The following RNF217 variants were observed in gnomAD, a reference collection of about 807,000 sequenced individuals.
RNF217 encodes the protein ring finger protein 217, also known as E3 ubiquitin-protein ligase RNF217.
A neutral mutation model predicts 57.8 loss-of-function variants in RNF217; 31 were observed. The observed-to-expected ratio is 0.54, with a 90% confidence interval of 0.40 to 0.72. RNF217 has a LOEUF of 0.72. Among genes scored for constraint, RNF217 ranks in the 30% least tolerant of loss-of-function variants. RNF217 has a pLI of 0.00. For synonymous variants in RNF217, 313 were observed against 294.0 expected (o/e 1.06, Z -0.66); for missense variants, 696 against 708.3 (o/e 0.98, Z 0.20).
Position 125,020,124 on chromosome 6 carries a change from C to T in RNF217, c.883-25087C>T, listed in dbSNP as rs549563079. 1.6e-4 allele frequency among the ~76,000 whole-genome samples: 24 copies of T among 152,266 alleles called. No homozygotes were observed. The South Asian group carries it at 4.4e-3, about 28-fold the overall frequency. On this transcript the variant is annotated intron_variant, in intron 1 of 5. Coordinates refer to ENST00000521654, the MANE Select transcript of RNF217 (RefSeq NM_001286398.3). ...GCAGAACTTCAGACAGAGCTGTTCA[C>T]GAGAATGATAAACAGCTACCATTGC...
At chr6:125,023,601 A>G (rs893580337) in intron 1 of RNF217, among the ~76,000 whole-genome samples, 1 of 152,206 alleles carries the variant, frequency 6.6e-6, no homozygotes, top group Non-Finnish European at 1.5e-5. Context: ...TGAAATTAGT[A>G]TGTTGAAGAG....
intron 1 of RNF217, among the ~76,000 whole-genome samples, chr6:125,013,596 A>G (rs146279077): frequency 6.6e-6 from 1 of 152,170 alleles, no homozygotes; most frequent in Non-Finnish European, 1.5e-5. Flanking sequence ...TTCTTTTAGT[A>G]AAGACTTATA....
intron 1 of RNF217, among the ~76,000 whole-genome samples, chr6:124,963,924 G>A (rs1783419621): frequency 6.6e-6 from 1 of 152,140 alleles, no homozygotes; most frequent in Non-Finnish European, 1.5e-5. Flanking sequence ...GTATCCCTTG[G>A]CCTTTGCCTA....
chr6:125,073,736 G>A (rs1320215024), intron 3 of RNF217, among the ~76,000 whole-genome samples: 3 of 152,104 alleles, frequency 2.0e-5, no homozygotes, highest in Admixed American at 6.6e-5. Context: ...TAAGAAAGGG[G>A]ACTGCCTGGC....
At chr6:125,013,834 GA>G (rs1785509910) in intron 1 of RNF217, among the ~76,000 whole-genome samples, 1 of 152,096 alleles carries the variant, frequency 6.6e-6, no homozygotes, top group South Asian at 2.1e-4. Flanking sequence ...TGTACCTACT[GA>G]GTGATGTTTC....
At chr6:125,080,506 C>A (rs1447130125) in intron 4 of RNF217, among the ~76,000 whole-genome samples, 2 of 151,996 alleles carry the variant, frequency 1.3e-5, no homozygotes, top group Admixed American at 1.3e-4. Flanking sequence ...CTGTTTCATC[C>A]TTAAATTGCC....
chr6:125,023,924 G>A (rs1331522289), intron 1 of RNF217, among the ~76,000 whole-genome samples: 1 of 152,082 alleles, frequency 6.6e-6, no homozygotes, highest in Non-Finnish European at 1.5e-5. Flanking sequence ...GGATGGGCAT[G>A]GGGGGAAAAG....
chr6:125,075,756 A>G (rs188101311), intron 3 of RNF217, among the ~76,000 whole-genome samples: 52 of 152,324 alleles, frequency 3.4e-4, no homozygotes, highest in Non-Finnish European at 3.5e-4. Flanking sequence ...TATTCATGCA[A>G]CAAAGTACGC....
intron 1 of RNF217, among the ~76,000 whole-genome samples, chr6:125,038,243 T>A (rs6911262): frequency 0.89 from 135,842 of 151,904 alleles, 61,061 homozygotes; most frequent in East Asian, 1. Flanking sequence ...ATTAGCATTT[T>A]ACACACGGAG....
intron 1 of RNF217, among the ~76,000 whole-genome samples, chr6:124,965,049 A>C (rs2114972860): frequency 6.6e-6 from 1 of 152,262 alleles, no homozygotes; most frequent in Admixed American, 6.5e-5. Context: ...CCTTTCCCCA[A>C]AGCAGTTTTC....
At chr6:125,009,078 T>C (rs755355296) in intron 1 of RNF217, 37 of 557,036 alleles carry the variant, frequency 6.6e-5, no homozygotes, top group Non-Finnish European at 1.1e-4. Context: ...AGGAAGTAGA[T>C]AGAATGTGCT....
At chr6:124,986,443 C>T (rs912456846) in intron 1 of RNF217, among the ~76,000 whole-genome samples, 1 of 152,230 alleles carries the variant, frequency 6.6e-6, no homozygotes, top group Non-Finnish European at 1.5e-5. Flanking sequence ...TACTCTAATG[C>T]ATGGCTTCCA....
At chr6:125,047,119 TA>T (rs1787125953) in intron 2 of RNF217, among the ~76,000 whole-genome samples, 1 of 152,122 alleles carries the variant, frequency 6.6e-6, no homozygotes, top group African/African-American at 2.4e-5. Flanking sequence ...GAAGGACTCG[TA>T]ATTCCATAAA....
At chr6:125,039,513 A>T (rs1786789307) in intron 1 of RNF217, among the ~76,000 whole-genome samples, 1 of 152,062 alleles carries the variant, frequency 6.6e-6, no homozygotes, top group Non-Finnish European at 1.5e-5. Context: ...AGACTTTAAC[A>T]CCACATTTTC....
At chr6:124,994,395 C>G (rs1299148361) in intron 1 of RNF217, among the ~76,000 whole-genome samples, 1 of 152,110 alleles carries the variant, frequency 6.6e-6, no homozygotes, top group Non-Finnish European at 1.5e-5. Flanking sequence ...TTCTTTTGAA[C>G]GGAGACATAA....
intron 2 of RNF217, among the ~76,000 whole-genome samples, chr6:125,052,188 T>A (rs2114563621): frequency 6.6e-6 from 1 of 152,078 alleles, no homozygotes; most frequent in Admixed American, 6.6e-5. Context: ...ATAATTGTGT[T>A]GCATATGTAA....
chr6:125,028,827 G>A (rs1056729913), intron 1 of RNF217, among the ~76,000 whole-genome samples: 5 of 151,660 alleles, frequency 3.3e-5, no homozygotes, highest in Non-Finnish European at 5.9e-5. Context: ...GTTCCACTGG[G>A]CTTTTTTTAC....
At chr6:125,032,869 T>C (rs1212834028) in intron 1 of RNF217, among the ~76,000 whole-genome samples, 1 of 152,190 alleles carries the variant, frequency 6.6e-6, no homozygotes, top group Non-Finnish European at 1.5e-5. Flanking sequence ...TGGACTGGTT[T>C]CATGAAACAT....
intron 1 of RNF217, among the ~76,000 whole-genome samples, chr6:124,989,433 T>G (rs937323704): frequency 3.9e-5 from 6 of 152,168 alleles, no homozygotes; most frequent in Non-Finnish European, 8.8e-5. Context: ...GGTAAGGTAA[T>G]ATGCATGGCA....
Sources: gnomAD v4.1 joint callset for allele counts (sites outside exome capture counted in the v4.1 genomes callset) on GRCh38, gnomAD v4.1.1 for gene constraint, MANE v1.5 for transcripts, NCBI Gene and HGNC (gene_info 2026-07-23, HGNC 2026-07-21) for gene names.